The following MYOM3 variants were observed in gnomAD, a reference collection of about 807,000 sequenced individuals.
MYOM3 encodes the protein myomesin-3.
Under a neutral mutation model 191.7 loss-of-function variants are expected in MYOM3, and 155 were observed. That is an observed-to-expected ratio of 0.81 (90% CI 0.71 to 0.92). The LOEUF (loss-of-function observed/expected upper bound fraction) is 0.92, where lower values mean the gene tolerates loss of function less well. MYOM3 is among the 40% of genes least tolerant of loss of function. The pLI, the probability that MYOM3 is intolerant of heterozygous loss-of-function variation, is 0.00. For synonymous variants in MYOM3, 757 were observed against 762.9 expected (o/e 0.99, Z 0.13); for missense variants, 1,889 against 1,890.6 (o/e 1.00, Z 0.02).
intron 25 of MYOM3, 36 bp from the exon 26 acceptor site, chr1:24,068,403 T>G: frequency 6.2e-7 from 1 of 1,612,698 alleles, no homozygotes; most frequent in Non-Finnish European, 8.5e-7. Flanking sequence ...TTTTCCCTGT[T>G]CTGGGAACTT....
chr1:24,081,448 G>T lies in MYOM3; in HGVS notation c.2289C>A (p.Asp763Glu), dbSNP rs1190876385. ...PIPTRVCKVSDLHEGHFYEFR... is the reference protein window; with the variant it reads ...PIPTRVCKVSELHEGHFYEFR... The stretch of plus-strand genomic sequence containing the variant: ...ACTCATAGAAGTGGCCTTCATGAAG[G>T]TCACTGACCTTTAAGAGCAGAAACA... Residue 763 changes from aspartate (D) to glutamate (E), a missense_variant, in exon 19 of 37, where the codon GAC becomes GAA. Physicochemically the swap from Asp to Glu is conservative, Grantham distance 45. Coordinates refer to ENST00000374434, the MANE Select transcript of MYOM3 (RefSeq NM_152372.4). The T allele has an allele frequency of 2.5e-6, 4 of 1,613,906 alleles. No homozygotes were observed. Among genetic ancestry groups the T allele is most frequent in the East Asian group, 4.5e-5 (2 of 44,878 alleles).
intron 20 of MYOM3, among the ~76,000 whole-genome samples, chr1:24,078,344 T>G (rs1175674499): frequency 6.6e-6 from 1 of 152,160 alleles, no homozygotes. Flanking sequence ...CTCGAACTCC[T>G]GACCTCAGGA....
chr1:24,059,281 T>C (rs1643340351), intron 35 of MYOM3, among the ~76,000 whole-genome samples: 1 of 152,182 alleles, frequency 6.6e-6, no homozygotes, highest in East Asian at 1.9e-4. Context: ...ACTATAGGCA[T>C]GCATCAGCCC....
At chr1:24,068,492 G>T in intron 25 of MYOM3, 125 bp from the exon 26 acceptor site, 2 of 1,153,008 alleles carry the variant, frequency 1.7e-6, no homozygotes, top group South Asian at 1.5e-5. Context: ...GACTGGGGCT[G>T]GCCGTTGGGT....
rs1292358514 is a variant in MYOM3 at position 24,061,970 on chromosome 1, G to A, written c.3910C>T (p.Leu1304Phe). The A allele has an allele frequency of 3.7e-6, 6 of 1,614,218 alleles. No homozygotes were observed. Among genetic ancestry groups the A allele is most frequent in the Admixed American group, 1.7e-5 (1 of 60,030 alleles). ...CCTTGCCCTGAGAGATCTGTTGAGA[G>A]CTGCCGGACTTCCTTCCCTGCAGCT... ...EIAAGKEVRQ[L>F]STDLSGQAFE... Residue 1304 changes from leucine (L) to phenylalanine (F), a missense_variant, in exon 33 of 37, where the codon CTC becomes TTC. Coordinates refer to ENST00000374434, the MANE Select transcript of MYOM3 (RefSeq NM_152372.4).
chr1:24,107,921 G>C, intron 3 of MYOM3, 72 bp downstream of exon 3: 1 of 1,332,782 alleles, frequency 7.5e-7, no homozygotes, highest in Non-Finnish European at 1.1e-6. Context: ...TGAAAGGCCA[G>C]CAGGGAGGCC....
intron 17 of MYOM3, 100 bp from the exon 18 acceptor site, chr1:24,082,288 T>C: frequency 8.9e-7 from 1 of 1,121,810 alleles, no homozygotes; most frequent in Non-Finnish European, 1.3e-6. Context: ...AGTTGGTGCC[T>C]GCCCTACTCC....
At chr1:24,070,921 C>T (rs1397061656) in intron 25 of MYOM3, among the ~76,000 whole-genome samples, 196 bp downstream of exon 25, 1 of 152,100 alleles carries the variant, frequency 6.6e-6, no homozygotes, top group East Asian at 1.9e-4. Flanking sequence ...TCCCTGCCAA[C>T]CCCACCCCCA....
chr1:24,061,243 T>C, intron 34 of MYOM3, 30 bp downstream of exon 34: 2 of 1,613,806 alleles, frequency 1.2e-6, no homozygotes, highest in East Asian at 4.5e-5. Flanking sequence ...GGGCCTATAA[T>C]TCACACTGAG....
intron 1 of MYOM3, among the ~76,000 whole-genome samples, chr1:24,109,097 A>G (rs1644018972): frequency 6.6e-6 from 1 of 152,178 alleles, no homozygotes; most frequent in Non-Finnish European, 1.5e-5. Flanking sequence ...TGCACCGGCC[A>G]TGTTCAGTCC....
At chr1:24,106,615 C>T (rs1643985402) in intron 4 of MYOM3, among the ~76,000 whole-genome samples, 2 of 152,204 alleles carry the variant, frequency 1.3e-5, no homozygotes, top group African/African-American at 4.8e-5. Flanking sequence ...TGGAGTCTCA[C>T]TCTGTAGCCC....
intron 35 of MYOM3, among the ~76,000 whole-genome samples, chr1:24,060,024 C>G (rs1453636583): frequency 6.6e-6 from 1 of 152,202 alleles, no homozygotes; most frequent in African/African-American, 2.4e-5. Flanking sequence ...ATGATTGTTT[C>G]CTTCAGCTCT....
chr1:24,090,335 T>C (rs545540746), intron 12 of MYOM3, among the ~76,000 whole-genome samples: 1 of 152,298 alleles, frequency 6.6e-6, no homozygotes, highest in East Asian at 1.9e-4. Context: ...ATGCTCTTCC[T>C]CTTGGGACAA....
Position 24,076,160 on chromosome 1 carries a change from T to A in MYOM3, c.2700A>T (p.Pro900=). 2 of 1,613,632 alleles carry A rather than the reference T, an allele frequency of 1.2e-6. No individual in the cohort carries two copies. The highest frequency in any genetic ancestry group is 1.7e-6 in the Non-Finnish European group (2 of 1,179,526). ...PTDPVLLEDK[P]GAHEIEVGVD... ...TCTGGCCTCTCCGGCCACCCCTACC[T>A]GGCTTGTCCTCCAGGAGCACGGGAT... is the stretch of plus-strand genomic sequence containing the variant. The change falls in exon 21 of 37, where the codon CCA becomes CCT. Residue 900 remains proline (P), a splice_region_variant and synonymous_variant. Transcript: ENST00000374434.
intron 16 of MYOM3, chr1:24,082,922 T>G: frequency 2.0e-6 from 1 of 492,650 alleles, no homozygotes; most frequent in African/African-American, 2.0e-5. Flanking sequence ...TTTTAAAGGA[T>G]GTTTGCTTTT....
chr1:24,091,037 T>C (rs1643816008), intron 11 of MYOM3, 41 bp from the exon 12 acceptor site: 2 of 1,604,932 alleles, frequency 1.2e-6, no homozygotes, highest in South Asian at 2.2e-5. Context: ...CTGCCCACAA[T>C]GCACACCTTC....
intron 27 of MYOM3, 121 bp from the exon 28 acceptor site, chr1:24,067,209 C>G (rs762161067): frequency 1.6e-4 from 151 of 949,032 alleles, no homozygotes; most frequent in Middle Eastern, 4.3e-4. Context: ...CAGATGCTGC[C>G]TCTGCCAGGG....
At chr1:24,062,972 A>G (rs909981404) in intron 32 of MYOM3, among the ~76,000 whole-genome samples, 154 bp downstream of exon 32, 2 of 151,580 alleles carry the variant, frequency 1.3e-5, no homozygotes, top group East Asian at 3.9e-4. Context: ...CCAGGAAGAG[A>G]CTCTGTCTCT....
intron 2 of MYOM3, 52 bp downstream of exon 2, chr1:24,108,424 T>C: frequency 6.8e-7 from 1 of 1,461,648 alleles, no homozygotes. Flanking sequence ...CTCCTCAGAC[T>C]GGGGGCCCTG....
Sources: allele counts gnomAD v4.1 joint callset (sites outside exome capture counted in the v4.1 genomes callset), GRCh38; gene constraint gnomAD v4.1.1; transcripts MANE v1.5; gene names NCBI Gene and HGNC (gene_info 2026-07-23, HGNC 2026-07-21).